The following AGBL4 variants were observed in gnomAD, a reference collection of about 807,000 sequenced individuals.
The protein encoded by AGBL4 is AGBL carboxypeptidase 4.
Under a neutral mutation model 66.4 loss-of-function variants are expected in AGBL4, and 58 were observed. The observed-to-expected ratio is 0.87, with a 90% CI of 0.71 to 1.09. The LOEUF (loss-of-function observed/expected upper bound fraction) is 1.09. AGBL4 is among the 50% of genes least tolerant of loss of function. The pLI, the probability that AGBL4 is intolerant of heterozygous loss-of-function variation, is 0.00. For synonymous variants in AGBL4, 234 were observed against 222.9 expected (o/e 1.05, Z -0.44); for missense variants, 579 against 631.0 (o/e 0.92, Z 0.88).
rs111903105 is a variant in AGBL4 at position 48,872,759 on chromosome 1, T to G, written c.595-5529A>C. 6.3e-3 allele frequency among the ~76,000 whole-genome samples: 958 copies of G among 152,186 alleles called. 12 individuals are homozygous for G. Among genetic ancestry groups the G allele is most frequent in the African/African-American group, 0.017 (713 of 41,502 alleles). ...AAAGGTGAATTCTGATTCTATAACC[T>G]CTGAGCTCTGTTATCCTAGGCAAGT... On this transcript the variant is annotated intron_variant, in intron 5 of 13. Coordinates refer to ENST00000371839, the MANE Select transcript of AGBL4 (RefSeq NM_032785.4).
At chr1:48,873,546 T>C (rs1477133397) in intron 5 of AGBL4, among the ~76,000 whole-genome samples, 1 of 152,130 alleles carries the variant, frequency 6.6e-6, no homozygotes, top group African/African-American at 2.4e-5. Context: ...AGGCAGGCGC[T>C]GTGCCCTCTT....
In AGBL4 at chr1:49,602,821, CAATAAATAAATA is replaced by C. The variant is rs146769913; in HGVS notation, c.282+94480_282+94491del. ...CACATATATCCCAGAACTTAAAGTA[CAATAAATAAATA>C]AATAAATAAATAAATAAATAAATAA... On this transcript the variant is annotated intron_variant, in intron 3 of 13. Transcript: ENST00000371839. Among the ~76,000 whole-genome samples the C allele has an allele frequency of 5.2e-3, 743 of 144,118 alleles. 3 individuals carry two copies. The highest frequency in any genetic ancestry group is 0.012 in the South Asian group (55 of 4,542). 94.5% of individuals were successfully genotyped at this position (144,118 alleles called of 152,430 possible).
chr1:48,902,958 G>C (rs1220949574), intron 5 of AGBL4, among the ~76,000 whole-genome samples: 1 of 152,106 alleles, frequency 6.6e-6, no homozygotes, highest in East Asian at 1.9e-4. Flanking sequence ...GGCTCTGCCT[G>C]CCAACACCTG....
intron 3 of AGBL4, among the ~76,000 whole-genome samples, chr1:49,397,907 C>T (rs72899931): frequency 0.05 from 7,680 of 152,258 alleles, 586 homozygotes; most frequent in African/African-American, 0.16. Flanking sequence ...AAGCTTTCTA[C>T]TCTACTGTAG....
chr1:49,175,887 T>A lies in AGBL4; in HGVS notation c.377+69883A>T, dbSNP rs200624089. ...AAAGATAAGATGCTACCTGTGTAGA[T>A]GACATGGTGATGAGTGACAAGTCGT... On this transcript the variant is annotated intron_variant, in intron 4 of 13. Transcript: ENST00000371839. 1.1e-4 allele frequency among the ~76,000 whole-genome samples: 16 copies of A among 152,134 alleles called. No homozygotes were observed. The East Asian group carries it at 2.5e-3, about 24-fold the overall frequency.
At chr1:49,369,786 C>T (rs2148550290) in intron 3 of AGBL4, among the ~76,000 whole-genome samples, 1 of 152,126 alleles carries the variant, frequency 6.6e-6, no homozygotes, top group African/African-American at 2.4e-5. Flanking sequence ...GTTCATATTA[C>T]TAATTGTGAT....
chr1:48,526,531 G>A, the AGBL4 span, among the ~76,000 whole-genome samples: 54 of 152,320 alleles, frequency 3.5e-4, no homozygotes, highest in Non-Finnish European at 5.9e-4. Flanking sequence ...GCGGCAGGAG[G>A]AGGAGGAGGA....
intron 3 of AGBL4, among the ~76,000 whole-genome samples, chr1:49,578,412 A>C (rs1644477593): frequency 6.6e-6 from 1 of 152,224 alleles, no homozygotes; most frequent in African/African-American, 2.4e-5. Context: ...ACCAGGAAAA[A>C]AAACCATGAC....
chr1:49,857,080 T>C (rs1225157256), intron 1 of AGBL4, among the ~76,000 whole-genome samples: 6 of 151,162 alleles, frequency 4.0e-5, no homozygotes, highest in African/African-American at 1.2e-4. Flanking sequence ...TTTCTATACA[T>C]GAATAGTGAA....
At chr1:48,627,369 G>A (rs1296072998) in intron 9 of AGBL4, among the ~76,000 whole-genome samples, 3 of 152,020 alleles carry the variant, frequency 2.0e-5, no homozygotes, top group African/African-American at 7.2e-5. Flanking sequence ...TGATATTTGT[G>A]AATGTATGTG....
intron 2 of AGBL4, among the ~76,000 whole-genome samples, chr1:49,797,176 A>C (rs1644752162): frequency 6.6e-6 from 1 of 152,180 alleles, no homozygotes; most frequent in African/African-American, 2.4e-5. Flanking sequence ...ATTTCACAAA[A>C]ATATTTTAAG....
At chr1:48,883,504 C>G (rs1649987611) in intron 5 of AGBL4, among the ~76,000 whole-genome samples, 1 of 152,218 alleles carries the variant, frequency 6.6e-6, no homozygotes, top group South Asian at 2.1e-4. Flanking sequence ...TTACTTCTAT[C>G]TGTAAGCTTT....
intron 11 of AGBL4, among the ~76,000 whole-genome samples, chr1:48,572,176 C>T (rs1644575891): frequency 6.6e-6 from 1 of 152,002 alleles, no homozygotes; most frequent in Admixed American, 6.6e-5. Flanking sequence ...CTACCGAGCC[C>T]CTGCCCAGGT....
At chr1:48,527,017 AAGGAAGCCATAG>A in the AGBL4 span, among the ~76,000 whole-genome samples, 2 of 152,120 alleles carry the variant, frequency 1.3e-5, no homozygotes, top group African/African-American at 2.4e-5. Flanking sequence ...TCTGTAAGTA[AAGGAAGCCATAG>A]AGGAAATCTG....
chr1:49,225,969 G>T (rs2148287005), intron 4 of AGBL4, among the ~76,000 whole-genome samples: 1 of 152,270 alleles, frequency 6.6e-6, no homozygotes, highest in South Asian at 2.1e-4. Context: ...CATGTTGAGT[G>T]TTTTATGTTA....
At chr1:49,620,901 G>T (rs1645347796) in intron 3 of AGBL4, among the ~76,000 whole-genome samples, 1 of 150,574 alleles carries the variant, frequency 6.6e-6, no homozygotes, top group East Asian at 1.9e-4. Flanking sequence ...GTTATTTTCT[G>T]TATCAGAGTT....
Position 49,066,498 on chromosome 1 carries a change from G to T in AGBL4, c.378-20698C>A, listed in dbSNP as rs193095259. ...ACCTGGGAGGTGGGGCTTGCAGTAA[G>T]CCAAGACTGCACCACTGCAACTCCA... On this transcript the variant is annotated intron_variant, in intron 4 of 13. Transcript: ENST00000371839. 1.5e-3 allele frequency among the ~76,000 whole-genome samples: 223 copies of T among 152,330 alleles called. 4 individuals are homozygous for T. Among genetic ancestry groups the T allele is most frequent in the African/African-American group, 5.2e-3 (216 of 41,592 alleles).
At chr1:48,664,314 A>G (rs1162767556) in intron 6 of AGBL4, among the ~76,000 whole-genome samples, 1 of 152,186 alleles carries the variant, frequency 6.6e-6, no homozygotes, top group Non-Finnish European at 1.5e-5. Flanking sequence ...TCAGGAAAAA[A>G]TGATCAAGGA....
chr1:49,539,622 C>T (rs190904804), intron 3 of AGBL4, among the ~76,000 whole-genome samples: 2 of 152,194 alleles, frequency 1.3e-5, no homozygotes, highest in African/African-American at 4.8e-5. Flanking sequence ...GCATAATAAA[C>T]CCTCACTGGC....
Sources: allele counts gnomAD v4.1 joint callset (sites outside exome capture counted in the v4.1 genomes callset), GRCh38; gene constraint gnomAD v4.1.1; transcripts MANE v1.5; gene names NCBI Gene and HGNC (gene_info 2026-07-23, HGNC 2026-07-21).